The following MGMT variants were observed in gnomAD, a reference collection of about 807,000 sequenced individuals.
MGMT encodes O-6-methylguanine-DNA methyltransferase.
In MGMT, 14 loss-of-function variants were observed where a neutral mutation model predicts 15.9. That is an observed-to-expected ratio of 0.88 (90% CI 0.58 to 1.37). MGMT has a LOEUF of 1.37. Among genes scored for constraint, MGMT ranks in the 40% most tolerant of loss-of-function variants. MGMT has a pLI of 0.00. For synonymous variants in MGMT, 130 were observed against 118.2 expected, an observed-to-expected ratio of 1.10 and a Z score of -0.65; for missense variants, 282 against 268.1, an observed-to-expected ratio of 1.05 and a Z score of -0.36.
chr10:129,725,904 C>G (rs1320023868), intron 3 of MGMT, among the ~76,000 whole-genome samples: 1 of 152,218 alleles, frequency 6.6e-6, no homozygotes, highest in East Asian at 1.9e-4. Flanking sequence ...CCTTCTCAAC[C>G]AGCCCCTTCT....
chr10:129,467,987 C>T (rs1469122500), intron 1 of MGMT, among the ~76,000 whole-genome samples: 1 of 152,200 alleles, frequency 6.6e-6, no homozygotes, highest in East Asian at 1.9e-4. Context: ...GCTTTCTGTC[C>T]TGGAAAGCAG....
intron 1 of MGMT, among the ~76,000 whole-genome samples, chr10:129,482,657 A>G (rs1176835878): frequency 6.6e-6 from 1 of 152,038 alleles, no homozygotes; most frequent in Admixed American, 6.5e-5. Context: ...GGCCTTCTCT[A>G]GTTTTGTTGT....
At chr10:129,697,990 G>A (rs1046059127) in intron 2 of MGMT, among the ~76,000 whole-genome samples, 5 of 152,276 alleles carry the variant, frequency 3.3e-5, no homozygotes, top group South Asian at 2.1e-4. Flanking sequence ...AGCCTGTAGC[G>A]GCCACTTGCA....
intron 3 of MGMT, among the ~76,000 whole-genome samples, chr10:129,723,621 T>C (rs180999167): frequency 1.3e-5 from 2 of 152,346 alleles, no homozygotes; most frequent in Admixed American, 1.3e-4. Context: ...GAGAAATTTT[T>C]ACAAAACACA....
At chr10:129,671,962 AATT>A (rs1481276193) in intron 2 of MGMT, among the ~76,000 whole-genome samples, 2 of 152,206 alleles carry the variant, frequency 1.3e-5, no homozygotes, top group Non-Finnish European at 2.9e-5. Context: ...TTGTGTATTG[AATT>A]ATTTGTAAAT....
At chr10:129,549,748 C>T (rs1008659006) in intron 2 of MGMT, among the ~76,000 whole-genome samples, 5 of 152,184 alleles carry the variant, frequency 3.3e-5, no homozygotes, top group East Asian at 1.9e-4. Flanking sequence ...AAAAGAATCA[C>T]GGCCGCTGCT....
intron 1 of MGMT, among the ~76,000 whole-genome samples, chr10:129,535,754 C>T (rs993679327): frequency 6.6e-6 from 1 of 152,170 alleles, no homozygotes; most frequent in Non-Finnish European, 1.5e-5. Context: ...ACACAGGTGC[C>T]GTGGCATAGG....
At chr10:129,731,561 G>A (rs1044203557) in intron 3 of MGMT, among the ~76,000 whole-genome samples, 4 of 151,800 alleles carry the variant, frequency 2.6e-5, no homozygotes, top group Non-Finnish European at 5.9e-5. Context: ...ACACCCGGCT[G>A]ATTTTAGTGT....
chr10:129,690,404 C>T (rs1332347493), intron 2 of MGMT, among the ~76,000 whole-genome samples: 1 of 152,234 alleles, frequency 6.6e-6, no homozygotes, highest in Non-Finnish European at 1.5e-5. Context: ...AATAATTCAT[C>T]AGTCTTTGCT....
rs74160211 is a variant in MGMT at position 129,519,802 on chromosome 10, C to T, written c.-12-16439C>T. On this transcript the variant is annotated intron_variant, in intron 1 of 4. Transcript: ENST00000651593. ...ATGCTCATGGGTGTTGACTGGTGGC[C>T]GGCACATCAGTGGCTCGTGGGTGTT... Among the ~76,000 whole-genome samples the T allele has an allele frequency of 1.8e-3, 270 of 152,038 alleles. 1 individual carries two copies. Among genetic ancestry groups the T allele is most frequent in the African/African-American group, 6.3e-3 (261 of 41,452 alleles).
At chr10:129,489,359 C>CAAAAAAAAAAAA (rs34274988) in intron 1 of MGMT, among the ~76,000 whole-genome samples, 1 of 57,362 alleles carries the variant, frequency 1.7e-5, no homozygotes, top group African/African-American at 7.5e-5. Flanking sequence ...GACTCTGTCT[C>CAAAAAAAAAAAA]AAAAAAAAAA....
chr10:129,681,911 G>A (rs895799509), intron 2 of MGMT, among the ~76,000 whole-genome samples: 2 of 152,138 alleles, frequency 1.3e-5, no homozygotes, highest in Non-Finnish European at 2.9e-5. Context: ...AAACATTCCA[G>A]CTAGAAATTG....
At chr10:129,658,075 T>C (rs1030825339) in intron 2 of MGMT, among the ~76,000 whole-genome samples, 2 of 152,204 alleles carry the variant, frequency 1.3e-5, no homozygotes, top group African/African-American at 4.8e-5. Context: ...CTGGTCCTAT[T>C]ATGCTGTTTT....
chr10:129,489,756 A>C (rs1240937620), intron 1 of MGMT, among the ~76,000 whole-genome samples: 1 of 151,944 alleles, frequency 6.6e-6, no homozygotes, highest in Admixed American at 6.6e-5. Context: ...TTTTTCTAGG[A>C]TTAGATTTTT....
chr10:129,680,075 G>C (rs887274183), intron 2 of MGMT, among the ~76,000 whole-genome samples: 1 of 152,196 alleles, frequency 6.6e-6, no homozygotes, highest in Non-Finnish European at 1.5e-5. Context: ...AGTGGCCAAC[G>C]AGCCCAGCAG....
chr10:129,535,311 G>T (rs926959034), intron 1 of MGMT, among the ~76,000 whole-genome samples: 3 of 152,096 alleles, frequency 2.0e-5, no homozygotes, highest in African/African-American at 7.2e-5. Context: ...AGGGAGGATC[G>T]CTAGAGCCCA....
At chr10:129,622,573 A>G (rs533404474) in intron 2 of MGMT, among the ~76,000 whole-genome samples, 1 of 152,342 alleles carries the variant, frequency 6.6e-6, no homozygotes, top group South Asian at 2.1e-4. Flanking sequence ...ATGGTTAACT[A>G]TCAGCAGACT....
intron 2 of MGMT, among the ~76,000 whole-genome samples, chr10:129,561,202 ATAT>A (rs1260167639): frequency 6.6e-6 from 1 of 152,074 alleles, no homozygotes; most frequent in Non-Finnish European, 1.5e-5. Context: ...TTTCCTTACT[ATAT>A]TATTAGTTAC....
intron 2 of MGMT, among the ~76,000 whole-genome samples, chr10:129,595,960 T>A (rs1280571178): frequency 2.0e-5 from 3 of 152,154 alleles, no homozygotes. Context: ...ACGTAAGACA[T>A]ACCTGTTTAT....
Sources: gnomAD v4.1 joint callset for allele counts (sites outside exome capture counted in the v4.1 genomes callset) on GRCh38, gnomAD v4.1.1 for gene constraint, MANE v1.5 for transcripts, NCBI Gene and HGNC (gene_info 2026-07-23, HGNC 2026-07-21) for gene names.